Variants in PARP12 observed in about 807,000 individuals in gnomAD.
PARP12 encodes protein mono-ADP-ribosyltransferase PARP12.
A neutral mutation model predicts 72.4 loss-of-function variants in PARP12; 59 were observed. That is an observed-to-expected ratio of 0.81 (90% CI 0.66 to 1.01). The LOEUF (loss-of-function observed/expected upper bound fraction) is 1.01. Among genes scored for constraint, PARP12 ranks in the 50% least tolerant of loss-of-function variants. PARP12 has a pLI of 0.00. For missense variants in PARP12, 851 were observed against 914.0 expected, an observed-to-expected ratio of 0.93 and a Z score of 0.89; for synonymous variants, 403 against 371.4, an observed-to-expected ratio of 1.09 and a Z score of -0.98.
chr7:140,027,471 C>T, intron 9 of PARP12, 65 bp from the exon 10 acceptor site: 1 of 1,581,632 alleles, frequency 6.3e-7, no homozygotes, highest in Non-Finnish European at 8.6e-7. Context: ...AGTCCCTTCC[C>T]AAAGCTTCTT....
At chr7:140,030,409 C>G (rs557414156) in intron 8 of PARP12, among the ~76,000 whole-genome samples, 2 of 152,296 alleles carry the variant, frequency 1.3e-5, no homozygotes, top group East Asian at 3.9e-4. Context: ...ACCAGCCTGA[C>G]CAACATAATG....
chr7:140,033,533 C>T (rs1816028322), intron 8 of PARP12: 1 of 985,324 alleles, frequency 1.0e-6, no homozygotes, highest in Admixed American at 6.1e-5. Context: ...CACCTTCCCC[C>T]AATATGTGGC....
chr7:140,054,690 G>C lies in PARP12; in HGVS notation c.834C>G (p.Tyr278Ter). 2 of 1,613,892 alleles carry C rather than the reference G, an allele frequency of 1.2e-6. No homozygotes were observed. Among genetic ancestry groups the C allele is most frequent in the Middle Eastern group, 1.6e-4 (1 of 6,062 alleles). The change falls in exon 4 of 12, where the codon TAC becomes TAG. Residue 278 changes from tyrosine to a stop codon, truncating the protein, a stop_gained. Coordinates refer to ENST00000263549, the MANE Select transcript of PARP12 (RefSeq NM_022750.4). LOFTEE classifies it high-confidence loss of function. ...SQEEGDQICL[Y>*]HIRKSCSFQD... The stretch of plus-strand genomic sequence containing the variant: ...GAAAGCTACAACTTTTCCGGATATG[G>C]TACAAACAGATCTGATCACCCTCCT...
chr7:140,046,671 G>A (rs777191000), intron 5 of PARP12, among the ~76,000 whole-genome samples: 4 of 151,714 alleles, frequency 2.6e-5, no homozygotes, highest in African/African-American at 2.4e-5. Flanking sequence ...CAGTATGAAC[G>A]CTGACTTTCG....
intron 8 of PARP12, among the ~76,000 whole-genome samples, chr7:140,032,349 TA>T (rs1174800872): frequency 0.025 from 3,560 of 144,984 alleles, 125 homozygotes; most frequent in African/African-American, 0.082. Flanking sequence ...TTTTTTTAAT[TA>T]AAAAAAAAAA....
intron 6 of PARP12, among the ~76,000 whole-genome samples, chr7:140,038,518 A>G (rs901890290): frequency 6.6e-6 from 1 of 152,130 alleles, no homozygotes; most frequent in Non-Finnish European, 1.5e-5. Flanking sequence ...CTTAGGCCAT[A>G]TTCATCCCTT....
At chr7:140,057,672 C>T (rs1325909678) in intron 2 of PARP12, 2 of 572,446 alleles carry the variant, frequency 3.5e-6, no homozygotes, top group Non-Finnish European at 3.0e-6. Context: ...CAGCCCTAGT[C>T]GCACAGCTAT....
chr7:140,062,683 C>A lies in PARP12; in HGVS notation c.165G>T (p.Ala55=). ...QRGRFVVAVR[A]GGAAAAPERV... ...GCTCCGGGGCCGCGGCTGCGCCGCC[C>A]GCCCGCACCGCCACCACGAAGCGCC... The change falls in exon 1 of 12, where the codon GCG becomes GCT. Residue 55 remains alanine, a synonymous_variant. Coordinates refer to ENST00000263549, the MANE Select transcript of PARP12 (RefSeq NM_022750.4). 6 of 1,281,990 alleles carry A rather than the reference C, an allele frequency of 4.7e-6. No homozygotes were observed. The South Asian group carries it at 1.1e-4, about 24-fold the overall frequency. The allele number at this position is 1,281,990 out of a possible 1,614,324, so 79.4% of individuals were successfully genotyped here. A position where few individuals can be genotyped will look rare whatever the true frequency, so the allele number is the denominator to read the frequency against.
chr7:140,046,975 A>T lies in PARP12; in HGVS notation c.895T>A (p.Tyr299Asn), dbSNP rs754955363. Residue 299 changes from tyrosine (Y) to asparagine (N), a missense_variant, in exon 5 of 12, where the codon TAT (tyrosine) becomes AAT (asparagine). Physicochemically the swap from Tyr to Asn is moderately radical, Grantham distance 143. Coordinates refer to ENST00000263549, the MANE Select transcript of PARP12 (RefSeq NM_022750.4). ...CCTCTATCCAAGAATTGCCATCGAT[A>T]CGGCAAATGGAAATGAACTCTATGG... is the stretch of plus-strand genomic sequence containing the variant. The part of the protein sequence containing the change: ...KCHRVHFHLP[Y>N]RWQFLDRGKW... 2 of 1,613,940 alleles carry T rather than the reference A, an allele frequency of 1.2e-6. No homozygotes were observed. The highest frequency in any genetic ancestry group is 1.7e-6 in the Non-Finnish European group (2 of 1,179,952).
At chr7:140,030,813 TTC>T (rs1815914252) in intron 8 of PARP12, among the ~76,000 whole-genome samples, 1 of 152,240 alleles carries the variant, frequency 6.6e-6, no homozygotes, top group Non-Finnish European at 1.5e-5. Context: ...ATTCTTTTAG[TTC>T]AGCTATCGTT....
chr7:140,025,431 G>A (rs547380570), intron 11 of PARP12: 14 of 341,062 alleles, frequency 4.1e-5, no homozygotes, highest in Non-Finnish European at 7.7e-5. Flanking sequence ...TGCCTCAGAC[G>A]GAAACTGACT....
chr7:140,049,976 C>G (rs1816897646), intron 4 of PARP12, among the ~76,000 whole-genome samples: 1 of 152,082 alleles, frequency 6.6e-6, no homozygotes, highest in Admixed American at 6.6e-5. Context: ...ATTTGGCAGA[C>G]AAAACACCAC....
intron 8 of PARP12, chr7:140,033,970 C>T: frequency 9.3e-7 from 1 of 1,071,536 alleles, no homozygotes; most frequent in South Asian, 3.6e-5. Flanking sequence ...CAAGTCTAGA[C>T]TCGCCTTCAG....
In PARP12 at chr7:140,028,836, G is replaced by A. The variant is rs1815834008; in HGVS notation, c.1422-148C>T. 3.2e-6 allele frequency: 2 copies of A among 623,304 alleles called. 1 individual carries two copies. The highest frequency in any genetic ancestry group is 5.7e-5 in the Admixed American group (2 of 35,000). 38.6% of individuals were successfully genotyped at this position (623,304 alleles called of 1,614,324 possible). A position where few individuals can be genotyped will look rare whatever the true frequency, so the allele number is the denominator to read the frequency against. ...AGGTAGAAGGCAAGGAAGAATGTTA[G>A]CACGATATTCACAACATGAGAGCAC... On this transcript the variant is annotated intron_variant, in intron 8 of 11. Coordinates refer to ENST00000263549, the MANE Select transcript of PARP12 (RefSeq NM_022750.4).
chr7:140,034,915 T>C (rs1816088997), intron 7 of PARP12, among the ~76,000 whole-genome samples: 1 of 152,160 alleles, frequency 6.6e-6, no homozygotes, highest in African/African-American at 2.4e-5. Flanking sequence ...GTTCTGTCCT[T>C]GCCTGCCAGG....
chr7:140,027,222 C>T lies in PARP12; in HGVS notation c.1628+54G>A, dbSNP rs537894104. ...ACCCGGGCCACATGTGGCAACCAGC[C>T]AGTGGTGTGAAGGGACAGAGTCACC... On this transcript the variant is annotated intron_variant, in intron 10 of 11. Coordinates refer to ENST00000263549, the MANE Select transcript of PARP12 (RefSeq NM_022750.4). 12 of 1,589,396 alleles carry T rather than the reference C, an allele frequency of 7.6e-6. No individual in the cohort carries two copies. The East Asian group carries it at 2.3e-4, about 30-fold the overall frequency.
At chr7:140,027,674 CA>C (rs1182054052) in intron 9 of PARP12, 1 of 290,078 alleles carries the variant, frequency 3.4e-6, no homozygotes, top group African/African-American at 2.1e-5. Context: ...TTTCGTTAGA[CA>C]GTATGTTGTG....
intron 8 of PARP12, chr7:140,033,372 A>G (rs910772908): frequency 5.1e-6 from 5 of 985,272 alleles, no homozygotes; most frequent in African/African-American, 3.5e-5. Context: ...CAAAAGAGAC[A>G]TTGTTGGTTC....
At chr7:140,054,883 G>A (rs895572707) in intron 3 of PARP12, 120 bp from the exon 4 acceptor site, 24 of 801,274 alleles carry the variant, frequency 3.0e-5, no homozygotes, top group Admixed American at 2.3e-4. Context: ...AAGCCCTATC[G>A]TGTTTGGGGT....
Sources: allele counts gnomAD v4.1 joint callset (sites outside exome capture counted in the v4.1 genomes callset), GRCh38; gene constraint gnomAD v4.1.1; transcripts MANE v1.5; gene names NCBI Gene and HGNC (gene_info 2026-07-23, HGNC 2026-07-21).